Variants in CACNA2D2 observed in about 807,000 individuals in gnomAD.
The protein encoded by CACNA2D2 is calcium voltage-gated channel auxiliary subunit alpha2delta 2.
CACNA2D2 carries 48 observed loss-of-function variants against 166.4 expected under a neutral mutation model. The ratio of observed to expected loss-of-function variants is 0.29; its 90% CI spans 0.23 to 0.37. CACNA2D2 has a LOEUF of 0.37. CACNA2D2 is among the 10% of genes least tolerant of loss of function. The pLI is 1.00. For missense variants in CACNA2D2, 1,122 were observed against 1,433.0 expected (o/e 0.78, Z 3.50); for synonymous variants, 561 against 573.7 (o/e 0.98, Z 0.32).
chr3:50,431,267 T>C (rs1230985739), intron 3 of CACNA2D2, among the ~76,000 whole-genome samples: 1 of 151,960 alleles, frequency 6.6e-6, no homozygotes, highest in Non-Finnish European at 1.5e-5. Flanking sequence ...ATTTAAAACA[T>C]AATTAAAACC....
intron 21 of CACNA2D2, 131 bp from the exon 22 acceptor site, chr3:50,374,944 C>A: frequency 1.3e-6 from 1 of 741,200 alleles, no homozygotes; most frequent in Non-Finnish European, 2.3e-6. Flanking sequence ...GGACCCCTCT[C>A]CCCGCTTAGC....
At chr3:50,469,569 C>T (rs750246935) in intron 2 of CACNA2D2, among the ~76,000 whole-genome samples, 7 of 152,172 alleles carry the variant, frequency 4.6e-5, no homozygotes, top group African/African-American at 1.2e-4. Flanking sequence ...CCCACACTTA[C>T]GCAGGGCTAG....
chr3:50,503,890 C>G (rs530189927), upstream of CACNA2D2, among the ~76,000 whole-genome samples: 1 of 152,140 alleles, frequency 6.6e-6, no homozygotes, highest in South Asian at 2.1e-4. Context: ...CACCTCAGAC[C>G]CTGCCGCTCC....
At chr3:50,454,479 C>T (rs552682019) in intron 2 of CACNA2D2, among the ~76,000 whole-genome samples, 32 of 152,290 alleles carry the variant, frequency 2.1e-4, no homozygotes, top group African/African-American at 7.0e-4. Context: ...GCCTCTCCCC[C>T]GAGGAGAGCG....
chr3:50,371,345 CAT>C (rs1491401508), intron 22 of CACNA2D2, among the ~76,000 whole-genome samples: 1 of 144,408 alleles, frequency 6.9e-6, no homozygotes, highest in Non-Finnish European at 1.5e-5. Flanking sequence ...AGTGAGCATG[CAT>C]GTGTGTGTGT....
chr3:50,434,767 T>C (rs1708232328), intron 2 of CACNA2D2, among the ~76,000 whole-genome samples: 1 of 152,132 alleles, frequency 6.6e-6, no homozygotes, highest in Admixed American at 6.5e-5. Flanking sequence ...AAGGTAACTG[T>C]GAATAGCAGA....
intron 13 of CACNA2D2, 53 bp downstream of exon 13, chr3:50,378,862 C>G: frequency 6.2e-7 from 1 of 1,605,668 alleles, no homozygotes. Flanking sequence ...CATACGCAAT[C>G]GACAAAAAGA....
intron 3 of CACNA2D2, among the ~76,000 whole-genome samples, chr3:50,403,007 G>A (rs889353183): frequency 2.0e-5 from 3 of 152,090 alleles, no homozygotes; most frequent in Admixed American, 6.5e-5. Flanking sequence ...GTGTGGGCAC[G>A]GGGGTGGTCG....
intron 4 of CACNA2D2, among the ~76,000 whole-genome samples, chr3:50,391,331 C>G (rs1019314234): frequency 6.6e-6 from 1 of 152,192 alleles, no homozygotes; most frequent in Non-Finnish European, 1.5e-5. Flanking sequence ...ATGGCCACTC[C>G]CCCCTCCCCT....
intron 3 of CACNA2D2, 71 bp downstream of exon 3, chr3:50,434,242 C>G (rs1708204357): frequency 9.5e-7 from 1 of 1,055,672 alleles, no homozygotes; most frequent in Middle Eastern, 2.5e-4. Flanking sequence ...GGACACTGCC[C>G]TCATGGTACA....
chr3:50,411,791 C>A (rs1160282153), intron 3 of CACNA2D2, among the ~76,000 whole-genome samples: 1 of 152,212 alleles, frequency 6.6e-6, no homozygotes, highest in East Asian at 1.9e-4. Flanking sequence ...GTGACCAGGA[C>A]TCCCAGCACT....
chr3:50,429,686 C>T (rs1050360567), intron 3 of CACNA2D2, among the ~76,000 whole-genome samples: 1 of 149,702 alleles, frequency 6.7e-6, no homozygotes, highest in African/African-American at 2.5e-5. Context: ...GGAACAATGG[C>T]GTGAACCCGG....
chr3:50,377,824 T>C (rs761135434), intron 15 of CACNA2D2, 21 bp from the exon 16 acceptor site: 5 of 1,605,822 alleles, frequency 3.1e-6, no homozygotes, highest in South Asian at 1.1e-5. Context: ...AGGAAGATGA[T>C]GGAGTCACCT....
Position 50,378,905 on chromosome 3 carries a change from G to C in CACNA2D2, c.1339+10C>G, listed in dbSNP as rs375988858. 1.9e-6 allele frequency: 3 copies of C among 1,613,654 alleles called. No individual in the cohort carries two copies. Among genetic ancestry groups the C allele is most frequent in the East Asian group, 2.2e-5 (1 of 44,884 alleles). On this transcript the variant is annotated intron_variant, in intron 13 of 37. Transcript: ENST00000424201. ...GGCAGGCCCCTGACAGTGATGCGCA[G>C]GGGAGGTACCTTTGTTGGCACAGGC... is the stretch of plus-strand genomic sequence containing the variant.
intron 3 of CACNA2D2, among the ~76,000 whole-genome samples, chr3:50,406,044 T>C (rs1706693489): frequency 1.3e-5 from 2 of 151,754 alleles, no homozygotes; most frequent in South Asian, 4.1e-4. Context: ...TGTAGCCACA[T>C]CCTGGAGCCC....
chr3:50,471,453 T>C (rs1710091584), intron 2 of CACNA2D2, among the ~76,000 whole-genome samples: 1 of 152,160 alleles, frequency 6.6e-6, no homozygotes, highest in Non-Finnish European at 1.5e-5. Context: ...AGCTTCCTTC[T>C]TCCTCTTCTG....
intron 1 of CACNA2D2, among the ~76,000 whole-genome samples, chr3:50,495,014 C>T (rs576212502): frequency 7.9e-4 from 121 of 152,284 alleles, no homozygotes; most frequent in South Asian, 1.9e-3. Flanking sequence ...TACATCAGTG[C>T]GAGGAAGGCT....
At chr3:50,495,798 G>T (rs911375841) in intron 1 of CACNA2D2, among the ~76,000 whole-genome samples, 2 of 152,098 alleles carry the variant, frequency 1.3e-5, no homozygotes, top group Admixed American at 6.5e-5. Flanking sequence ...CTCTGCCTGA[G>T]CCCAGGCTCC....
chr3:50,406,926 C>T (rs900967387), intron 3 of CACNA2D2, among the ~76,000 whole-genome samples: 1 of 151,864 alleles, frequency 6.6e-6, no homozygotes, highest in Non-Finnish European at 1.5e-5. Flanking sequence ...CTTCACCTTT[C>T]TCTGTCCATC....
Sources: allele counts gnomAD v4.1 joint callset (sites outside exome capture counted in the v4.1 genomes callset), GRCh38; gene constraint gnomAD v4.1.1; transcripts MANE v1.5; gene names NCBI Gene and HGNC (gene_info 2026-07-23, HGNC 2026-07-21).